The following DPP6 variants were observed in gnomAD, a reference collection of about 807,000 sequenced individuals.
DPP6 encodes the protein dipeptidyl peptidase like 6.
In DPP6, 69 loss-of-function variants were observed where a neutral mutation model predicts 122.6. The observed-to-expected ratio is 0.56, with a 90% CI of 0.46 to 0.69. DPP6 has a LOEUF of 0.69. DPP6 is among the 30% of genes least tolerant of loss of function. DPP6 has a pLI of 0.00. For missense variants in DPP6, 928 were observed against 1,116.9 expected (o/e 0.83, Z 2.41); for synonymous variants, 418 against 433.1 (o/e 0.97, Z 0.43).
At chr7:154,544,817 G>A (rs1358482678) in intron 4 of DPP6, among the ~76,000 whole-genome samples, 1 of 152,168 alleles carries the variant, frequency 6.6e-6, no homozygotes, top group Non-Finnish European at 1.5e-5. Flanking sequence ...AAGAGCCTGG[G>A]CCAGGCTCAG....
At chr7:154,269,601 C>G (rs1052516796) in intron 1 of DPP6, among the ~76,000 whole-genome samples, 2 of 152,216 alleles carry the variant, frequency 1.3e-5, no homozygotes, top group Admixed American at 1.3e-4. Flanking sequence ...TTGCTATTAC[C>G]TATCCTCCTG....
At chr7:153,761,515 CT>C in the DPP6 span, among the ~76,000 whole-genome samples, 1 of 152,140 alleles carries the variant, frequency 6.6e-6, no homozygotes, top group African/African-American at 2.4e-5. Flanking sequence ...CTTTTCCAAA[CT>C]TTTTCATGAA....
At chr7:154,793,829 C>A in intron 10 of DPP6, 1 of 447,248 alleles carries the variant, frequency 2.2e-6, no homozygotes, top group Non-Finnish European at 3.9e-6. Flanking sequence ...GGCAGCCACA[C>A]GCAGTGACAT....
chr7:154,003,470 C>T (rs1225353297), intron 1 of DPP6, among the ~76,000 whole-genome samples: 1 of 152,228 alleles, frequency 6.6e-6, no homozygotes, highest in Non-Finnish European at 1.5e-5. Context: ...GTGACACTCT[C>T]CTAACACAGA....
intron 7 of DPP6, among the ~76,000 whole-genome samples, chr7:154,691,417 C>T (rs1839924275): frequency 6.6e-6 from 1 of 152,118 alleles, no homozygotes; most frequent in African/African-American, 2.4e-5. Context: ...TTATTTTATG[C>T]TTATCATTAC....
chr7:154,271,774 C>T (rs533452024), intron 1 of DPP6, among the ~76,000 whole-genome samples: 1 of 152,314 alleles, frequency 6.6e-6, no homozygotes, highest in African/African-American at 2.4e-5. Flanking sequence ...CACAAACATT[C>T]TTGTCTCCAA....
intron 1 of DPP6, among the ~76,000 whole-genome samples, chr7:154,215,357 C>T (rs950676838): frequency 6.6e-6 from 1 of 152,120 alleles, no homozygotes; most frequent in Non-Finnish European, 1.5e-5. Flanking sequence ...GTGGGGATTA[C>T]AATTCAAGAT....
the DPP6 span, among the ~76,000 whole-genome samples, chr7:153,797,803 T>C: frequency 2.0e-5 from 3 of 152,136 alleles, no homozygotes; most frequent in African/African-American, 7.2e-5. Flanking sequence ...CCTCATAAGG[T>C]AGAGAGAGGG....
At chr7:154,346,884 A>G (rs929906681) in intron 1 of DPP6, among the ~76,000 whole-genome samples, 9 of 152,150 alleles carry the variant, frequency 5.9e-5, no homozygotes, top group African/African-American at 2.2e-4. Flanking sequence ...AAAATCTACT[A>G]ATCTCAGTGA....
chr7:154,678,583 C>T (rs1839078567), intron 7 of DPP6, among the ~76,000 whole-genome samples: 1 of 152,222 alleles, frequency 6.6e-6, no homozygotes, highest in African/African-American at 2.4e-5. Context: ...TCTTCAATAA[C>T]CCTAACACTC....
chr7:153,818,209 A>G, the DPP6 span, among the ~76,000 whole-genome samples: 1 of 152,150 alleles, frequency 6.6e-6, no homozygotes, highest in African/African-American at 2.4e-5. Flanking sequence ...TTAAAACTGA[A>G]GAGAGACATC....
intron 1 of DPP6, among the ~76,000 whole-genome samples, chr7:154,126,004 A>C (rs1807852056): frequency 6.6e-6 from 1 of 152,232 alleles, no homozygotes; most frequent in Non-Finnish European, 1.5e-5. Flanking sequence ...GGTAGAATTC[A>C]GGCTCTTCAA....
At chr7:154,748,421 C>T (rs1387170661) in intron 8 of DPP6, among the ~76,000 whole-genome samples, 1 of 152,246 alleles carries the variant, frequency 6.6e-6, no homozygotes, top group Non-Finnish European at 1.5e-5. Flanking sequence ...CCTCCGTTCT[C>T]TCCTGCCGCC....
chr7:154,208,496 G>C, intron 1 of DPP6, among the ~76,000 whole-genome samples: 1 of 152,204 alleles, frequency 6.6e-6, no homozygotes, highest in East Asian at 1.9e-4. Flanking sequence ...TCACTGCCTA[G>C]TTATATTCCA....
chr7:154,594,116 AG>A (rs1832954468), intron 5 of DPP6, among the ~76,000 whole-genome samples: 1 of 136,080 alleles, frequency 7.3e-6, no homozygotes, highest in African/African-American at 2.5e-5. Context: ...TCACTCTAGC[AG>A]TCCGGTCATT....
At chr7:154,494,921 G>A (rs1159241148) in intron 3 of DPP6, among the ~76,000 whole-genome samples, 1 of 152,186 alleles carries the variant, frequency 6.6e-6, no homozygotes, top group Non-Finnish European at 1.5e-5. Context: ...AAGCATGGGT[G>A]CTTTCTCGAG....
chr7:154,734,784 CT>C (rs1340107733), intron 8 of DPP6, among the ~76,000 whole-genome samples: 1 of 152,164 alleles, frequency 6.6e-6, no homozygotes, highest in Non-Finnish European at 1.5e-5. Flanking sequence ...GCTGTATGAA[CT>C]TGGATGAATA....
intron 4 of DPP6, among the ~76,000 whole-genome samples, chr7:154,546,647 G>A (rs1829221170): frequency 6.6e-6 from 1 of 151,882 alleles, no homozygotes; most frequent in Non-Finnish European, 1.5e-5. Context: ...TATCCTTCTT[G>A]GTTTTATATA....
intron 2 of DPP6, among the ~76,000 whole-genome samples, chr7:154,452,800 G>A (rs886838263): frequency 1.3e-5 from 2 of 152,148 alleles, no homozygotes; most frequent in African/African-American, 4.8e-5. Context: ...ATCTTGTCCT[G>A]GAGTACAGTC....
Sources: allele counts gnomAD v4.1 joint callset (sites outside exome capture counted in the v4.1 genomes callset), GRCh38; gene constraint gnomAD v4.1.1; transcripts MANE v1.5; gene names NCBI Gene and HGNC (gene_info 2026-07-23, HGNC 2026-07-21).